The following SEZ6L2 variants were observed in gnomAD, a reference collection of about 807,000 sequenced individuals.
SEZ6L2 encodes seizure 6-like protein 2.
A neutral mutation model predicts 97.0 loss-of-function variants in SEZ6L2; 44 were observed. The observed-to-expected ratio is 0.45, with a 90% CI of 0.36 to 0.58. The LOEUF (loss-of-function observed/expected upper bound fraction) is 0.58. Ranked by LOEUF, SEZ6L2 falls within the 20% of genes least tolerant of loss-of-function variation. The pLI, the probability that SEZ6L2 is intolerant of heterozygous loss-of-function variation, is 0.00. For synonymous variants in SEZ6L2, 543 were observed against 546.1 expected, an observed-to-expected ratio of 0.99 and a Z score of 0.08; for missense variants, 1,086 against 1,233.3, an observed-to-expected ratio of 0.88 and a Z score of 1.79.
chr16:29,871,842 C>A (rs2067789795), intron 17 of SEZ6L2, 114 bp from the exon 18 acceptor site: 4 of 914,264 alleles, frequency 4.4e-6, no homozygotes, highest in Non-Finnish European at 7.1e-6. Context: ...CCTCTAGGGG[C>A]TGGGGGGCCA....
At position 29,879,945 on chromosome 16, in the gene SEZ6L2, C is replaced by G; in HGVS notation, c.1492G>C (p.Glu498Gln). 1 of 1,614,142 alleles carries G rather than the reference C, an allele frequency of 6.2e-7. No individual in the cohort carries two copies. The highest frequency in any genetic ancestry group is 2.2e-5 in the East Asian group (1 of 44,872). Residue 498 changes from glutamate to glutamine, a missense_variant, in exon 9 of 18, where the codon GAG becomes CAG. Transcript: ENST00000617533. Reference sequence around the variant, plus strand: ...ATGGCATTGGGGGGCCCAGGGGGCTCCAGGGCATATCCTGGGAGGCACGAG... The same window carrying G: ...ATGGCATTGGGGGGCCCAGGGGGCTGCAGGGCATATCCTGGGAGGCACGAG... ...TFSCLPGYALEPPGPPNAIEC... is the reference protein window; with the variant it reads ...TFSCLPGYALQPPGPPNAIEC...
chr16:29,885,752 G>A lies in SEZ6L2; in HGVS notation c.1209-3C>T, dbSNP rs772750145. On this transcript the variant is annotated splice_region_variant and splice_polypyrimidine_tract_variant and intron_variant, in intron 7 of 17. Transcript: ENST00000617533. Reference sequence around the variant, plus strand: ...TGCCCCCTGAGCGCACCATCAGCCTGGGATGGACAGAAACGTGACCAGGAG... The same window carrying A: ...TGCCCCCTGAGCGCACCATCAGCCTAGGATGGACAGAAACGTGACCAGGAG... The A allele has an allele frequency of 6.3e-7, 1 of 1,596,676 alleles. No individual in the cohort carries two copies. Among genetic ancestry groups the A allele is most frequent in the South Asian group, 1.1e-5 (1 of 90,480 alleles).
intron 8 of SEZ6L2, among the ~76,000 whole-genome samples, chr16:29,881,292 G>A (rs2068025037): frequency 6.6e-6 from 1 of 152,118 alleles, no homozygotes; most frequent in African/African-American, 2.4e-5. Flanking sequence ...AATGGCAAAA[G>A]CAGGTCTCAA....
intron 8 of SEZ6L2, 70 bp downstream of exon 8, chr16:29,885,516 G>T (rs1037905374): frequency 6.6e-7 from 1 of 1,517,084 alleles, no homozygotes; most frequent in Non-Finnish European, 9.1e-7. Flanking sequence ...TTGTGCTTCC[G>T]ACTATGCTTG....
intron 12 of SEZ6L2, among the ~76,000 whole-genome samples, chr16:29,874,763 G>T (rs557583749): frequency 1.3e-5 from 2 of 151,816 alleles, no homozygotes; most frequent in East Asian, 3.9e-4. Context: ...TATAGACAGG[G>T]TTTCGCCATG....
chr16:29,888,787 C>G, intron 5 of SEZ6L2, 62 bp from the exon 6 acceptor site: 2 of 1,435,200 alleles, frequency 1.4e-6, no homozygotes, highest in Non-Finnish European at 1.9e-6. Flanking sequence ...TCATACTGAT[C>G]CCCCAGCACT....
intron 5 of SEZ6L2, among the ~76,000 whole-genome samples, chr16:29,889,417 C>T (rs527377526): frequency 6.6e-5 from 10 of 151,132 alleles, no homozygotes; most frequent in Admixed American, 1.3e-4. Flanking sequence ...CCAGCCTGGG[C>T]GACAAGAGCA....
intron 8 of SEZ6L2, among the ~76,000 whole-genome samples, chr16:29,884,853 C>T (rs1303804288): frequency 1.3e-5 from 2 of 151,320 alleles, no homozygotes; most frequent in African/African-American, 4.9e-5. Flanking sequence ...GCAGAGGTTG[C>T]GGTGAGCCGA....
chr16:29,895,383 T>G lies in SEZ6L2; in HGVS notation c.729A>C (p.Arg243=), dbSNP rs775290662. 5.6e-6 allele frequency: 9 copies of G among 1,613,354 alleles called. No individual in the cohort carries two copies. In the African/African-American group the frequency reaches 1.2e-4, roughly 22 times the overall value. The change falls in exon 5 of 18, where the codon CGA becomes CGC. Residue 243 remains arginine (R), a synonymous_variant. Coordinates refer to ENST00000617533, the MANE Select transcript of SEZ6L2 (RefSeq NM_001243332.2). ...CAAGCATGGATGAGTTGGCCAGGAGTCGGGGGGCCAGGCCTGGGGATCCCC... is the reference window on the plus strand; with the variant it reads ...CAAGCATGGATGAGTTGGCCAGGAGGCGGGGGGCCAGGCCTGGGGATCCCC... ...AGGGSPGLAP[R]LLANSSMLGE...
rs765920674 is a variant in SEZ6L2, at chr16:29,872,685, C to T, written c.2527+20G>A. 1 of 1,612,950 alleles carries T rather than the reference C, an allele frequency of 6.2e-7. No individual in the cohort carries two copies. The highest frequency in any genetic ancestry group is 2.2e-5 in the East Asian group (1 of 44,872). ...CTCCCAACCTGGCCAGCCTGGGTCT[C>T]CACCTGTGCTCTCACTGACCTTCCA... On this transcript the variant is annotated intron_variant, in intron 15 of 17. Coordinates refer to ENST00000617533, the MANE Select transcript of SEZ6L2 (RefSeq NM_001243332.2).
chr16:29,884,144 A>G (rs2068083081), intron 8 of SEZ6L2, among the ~76,000 whole-genome samples: 1 of 152,130 alleles, frequency 6.6e-6, no homozygotes, highest in African/African-American at 2.4e-5. Context: ...CACGTGAGGC[A>G]GATTAGCCAA....
At chr16:29,893,365 G>C (rs1233680581) in intron 5 of SEZ6L2, among the ~76,000 whole-genome samples, 1 of 151,614 alleles carries the variant, frequency 6.6e-6, no homozygotes, top group East Asian at 1.9e-4. Context: ...CAAATTAGGA[G>C]GCCTGGCGTG....
chr16:29,885,795 G>A, intron 7 of SEZ6L2, 46 bp from the exon 8 acceptor site: 1 of 1,573,960 alleles, frequency 6.4e-7, no homozygotes. Context: ...TCCCTCACAA[G>A]CTGCCTCACC....
chr16:29,895,977 G>GT (rs34549819), intron 3 of SEZ6L2, 117 bp from the exon 4 acceptor site: 400,731 of 1,145,732 alleles, frequency 0.35, 74,387 homozygotes, highest in African/African-American at 0.6. Context: ...TTTTTGTTTT[G>GT]TTTGAGACAG....
chr16:29,887,606 C>A, intron 7 of SEZ6L2, 43 bp downstream of exon 7: 1 of 1,515,096 alleles, frequency 6.6e-7, no homozygotes, highest in South Asian at 1.3e-5. Context: ...GCCACCATGC[C>A]CGGCCAAGGT....
At chr16:29,889,473 G>C (rs2068221984) in intron 5 of SEZ6L2, among the ~76,000 whole-genome samples, 1 of 151,982 alleles carries the variant, frequency 6.6e-6, no homozygotes, top group Admixed American at 6.6e-5. Flanking sequence ...TGTTTTGCAG[G>C]TGTGAACACT....
rs574623136 is a variant in SEZ6L2, at chr16:29,880,770, A to T, written c.1373-706T>A. Reference sequence around the variant, plus strand: ...CTGCGCCCAGCCTGGGTTTTTTTTTAATTTTTTTAGAGACAGGGTCTCACT... The same window carrying T: ...CTGCGCCCAGCCTGGGTTTTTTTTTTATTTTTTTAGAGACAGGGTCTCACT... On this transcript the variant is annotated intron_variant, in intron 8 of 17. Transcript: ENST00000617533. Among the ~76,000 whole-genome samples, 200 of 147,708 alleles carry T rather than the reference A, an allele frequency of 1.4e-3. 2 individuals are homozygous for T. The highest frequency in any genetic ancestry group is 4.1e-3 in the African/African-American group (163 of 40,030).
intron 5 of SEZ6L2, among the ~76,000 whole-genome samples, chr16:29,894,736 A>G (rs1298006616): frequency 2.6e-5 from 4 of 152,102 alleles, no homozygotes; most frequent in Non-Finnish European, 5.9e-5. Flanking sequence ...GTTGGATTCA[A>G]TGGATGAATT....
intron 10 of SEZ6L2, 113 bp from the exon 11 acceptor site, chr16:29,877,580 C>T: frequency 1.0e-6 from 1 of 956,696 alleles, no homozygotes; most frequent in East Asian, 2.8e-5. Flanking sequence ...TCCAGCCCCG[C>T]CCATATTCTC....
Sources: gnomAD v4.1 joint callset for allele counts (sites outside exome capture counted in the v4.1 genomes callset) on GRCh38, gnomAD v4.1.1 for gene constraint, MANE v1.5 for transcripts, NCBI Gene and HGNC (gene_info 2026-07-23, HGNC 2026-07-21) for gene names.